Variants in CEP290 observed in about 807,000 individuals in gnomAD.
CEP290 encodes the protein centrosomal protein 290.
CEP290 carries 317 observed loss-of-function variants against 344.9 expected under a neutral mutation model. The ratio of observed to expected loss-of-function variants is 0.92; its 90% CI spans 0.84 to 1.01. The LOEUF (loss-of-function observed/expected upper bound fraction) is 1.01. CEP290 is among the 50% of genes least tolerant of loss of function. The pLI, the probability that CEP290 is intolerant of heterozygous loss-of-function variation, is 0.00. For synonymous variants in CEP290, 932 were observed against 895.8 expected, an observed-to-expected ratio of 1.04 and a Z score of -0.72; for missense variants, 2,754 against 2,761.4, an observed-to-expected ratio of 1.00 and a Z score of 0.06.
chr12:88,050,401 G>T lies in CEP290; in HGVS notation c.7162C>A (p.Leu2388Ile). ...ADQLKEKIKD[L>I]ETQLKMSDLE... is the part of the protein sequence containing the mutation. ...TCTGACATTTTGAGCTGTGTCTCTA[G>T]ATCTTTTATTTTTTCCTTTAGTTGA... Residue 2388 changes from leucine to isoleucine, a missense_variant, in exon 53 of 54, where the codon CTA (leucine) becomes ATA (isoleucine). Physicochemically the swap from Leu to Ile is conservative, Grantham distance 5. Coordinates refer to ENST00000552810, the MANE Select transcript of CEP290 (RefSeq NM_025114.4). The T allele has an allele frequency of 6.4e-7, 1 of 1,562,906 alleles. No individual in the cohort carries two copies. Among genetic ancestry groups the T allele is most frequent in the Non-Finnish European group, 8.7e-7 (1 of 1,144,062 alleles).
chr12:88,076,354 C>T (rs1026491570), intron 41 of CEP290, among the ~76,000 whole-genome samples: 1 of 151,994 alleles, frequency 6.6e-6, no homozygotes, highest in Admixed American at 6.6e-5. Flanking sequence ...TATTCAATGC[C>T]TTTAAAGACA....
At chr12:88,070,695 C>T (rs1157537629) in intron 43 of CEP290, among the ~76,000 whole-genome samples, 2 of 151,438 alleles carry the variant, frequency 1.3e-5, no homozygotes, top group African/African-American at 4.8e-5. Flanking sequence ...GTGTGCAATT[C>T]CTGAAGTACA....
chr12:88,141,268 C>T lies in CEP290; in HGVS notation c.40G>A (p.Asp14Asn), dbSNP rs769179397. 5 of 1,611,280 alleles carry T rather than the reference C, an allele frequency of 3.1e-6. No individual in the cohort carries two copies. Among genetic ancestry groups the T allele is most frequent in the Non-Finnish European group, 4.2e-6 (5 of 1,179,018 alleles). ...NINWKEIMKV[D>N]PDDLPRQEEL... ...TCTTGACGGGGCAGGTCATCTGGGTCAACTTTCATTATTTCTTTCCAGTTT... is the reference window on the plus strand; with the variant it reads ...TCTTGACGGGGCAGGTCATCTGGGTTAACTTTCATTATTTCTTTCCAGTTT... The change falls in exon 2 of 54, where the codon GAC becomes AAC. Residue 14 changes from aspartate to asparagine, a missense_variant. By Grantham distance (23) the Asp-to-Asn change is conservative. Coordinates refer to ENST00000552810, the MANE Select transcript of CEP290 (RefSeq NM_025114.4).
chr12:88,105,490 T>C (rs2038207685), intron 25 of CEP290, among the ~76,000 whole-genome samples: 1 of 152,182 alleles, frequency 6.6e-6, no homozygotes, highest in Non-Finnish European at 1.5e-5. Flanking sequence ...ACAAATAGCC[T>C]GGGCTAATGA....
chr12:88,100,110 T>C (rs934903785), intron 26 of CEP290, among the ~76,000 whole-genome samples: 2 of 151,968 alleles, frequency 1.3e-5, no homozygotes, highest in Non-Finnish European at 2.9e-5. Flanking sequence ...CAAAACCCTG[T>C]CTCTACTAAA....
At chr12:88,115,532 T>C in intron 18 of CEP290, 1 of 1,293,542 alleles carries the variant, frequency 7.7e-7, no homozygotes, top group Non-Finnish European at 1.0e-6. Flanking sequence ...TTCTACACTC[T>C]GCTTCTTTGA....
Position 88,086,144 on chromosome 12 carries a change from G to A in CEP290, c.4332C>T (p.Asp1444=). The A allele has an allele frequency of 1.9e-6, 3 of 1,612,806 alleles. No homozygotes were observed. The highest frequency in any genetic ancestry group is 2.5e-6 in the Non-Finnish European group (3 of 1,179,578). The change falls in exon 34 of 54, where the codon GAC becomes GAT. Residue 1444 remains aspartate (D), a synonymous_variant. Transcript: ENST00000552810. ...GTTGATTTGGAAGGGGCAAACTAGG[G>A]TCAGGGATTGATCCTGTAGCTTCTT... ...KFEEATGSIP[D]PSLPLPNQLE... is the part of the protein sequence containing the mutation.
At chr12:88,090,177 C>T (rs2137292729) in intron 30 of CEP290, among the ~76,000 whole-genome samples, 1 of 152,244 alleles carries the variant, frequency 6.6e-6, no homozygotes, top group South Asian at 2.1e-4. Flanking sequence ...GATTTACTAA[C>T]TACAATTCTC....
intron 13 of CEP290, 25 bp from the exon 14 acceptor site, chr12:88,121,191 G>A: frequency 6.4e-7 from 1 of 1,570,938 alleles, no homozygotes; most frequent in Non-Finnish European, 8.7e-7. Context: ...CAAAAATCAT[G>A]AATTGAATTG....
Position 88,109,192 on chromosome 12 carries a change from G to T in CEP290, c.2368-11C>A. The T allele has an allele frequency of 1.1e-6, 1 of 908,270 alleles. No homozygotes were observed. Among genetic ancestry groups the T allele is most frequent in the Non-Finnish European group, 1.6e-6 (1 of 610,560 alleles). 56.3% of individuals were successfully genotyped at this position (908,270 alleles called of 1,614,324 possible). On this transcript the variant is annotated splice_polypyrimidine_tract_variant and intron_variant, in intron 22 of 53. Transcript: ENST00000552810. ...TTTATTTTCTAGTTCCTGAAAAGTG[G>T]TTTAGAAATAAGAATGCAAAAAAAA...
At chr12:88,140,888 A>T in intron 3 of CEP290, 68 bp downstream of exon 3, 1 of 1,000,658 alleles carries the variant, frequency 1.0e-6, no homozygotes, top group Non-Finnish European at 1.5e-6. Context: ...AGATTACCTT[A>T]TATAAGAACA....
Position 88,130,417 on chromosome 12 carries a change from C to A in CEP290, c.520G>T (p.Glu174Ter). The change falls in exon 9 of 54, where the codon GAA (glutamate) becomes TAA (stop). Residue 174 changes from glutamate to a stop codon, truncating the protein, a stop_gained. Coordinates refer to ENST00000552810, the MANE Select transcript of CEP290 (RefSeq NM_025114.4). LOFTEE classifies it high-confidence loss of function. ...RENKRLKKKN[E>*]QLCQDIIDYQ... Reference sequence around the variant, plus strand: ...TCAATAATATCCTGACAAAGTTGTTCATTCTGAAGGTAACCAAACACAACA... The same window carrying A: ...TCAATAATATCCTGACAAAGTTGTTAATTCTGAAGGTAACCAAACACAACA... The A allele has an allele frequency of 6.2e-7, 1 of 1,603,510 alleles. No individual in the cohort carries two copies.
rs7307793 is a variant in CEP290 at position 88,089,351 on chromosome 12, C to T, written c.3710G>A (p.Arg1237His). 9.0e-3 allele frequency: 14,603 copies of T among 1,613,838 alleles called. 1,198 individuals are homozygous for T. The African/African-American group carries it at 0.17, about 19-fold the overall frequency. ...KLQKMEAYNL[R>H]LEQKLDEKEQ... ...TTTTTCATCAAGTTTCTGCTCTAAG[C>T]GCAAGTTGTAGGCCTCCATCTTCTG... is the stretch of plus-strand genomic sequence containing the variant. The change falls in exon 31 of 54, where the codon CGC (arginine) becomes CAC (histidine). Residue 1237 changes from arginine (R) to histidine (H), a missense_variant. Coordinates refer to ENST00000552810, the MANE Select transcript of CEP290 (RefSeq NM_025114.4).
chr12:88,079,070 A>T (rs2035994100), intron 39 of CEP290, 22 bp downstream of exon 39: 2 of 1,530,858 alleles, frequency 1.3e-6, no homozygotes, highest in Non-Finnish European at 1.7e-6. Flanking sequence ...ATTTTGTTAC[A>T]TTAACACGTG....
intron 6 of CEP290, among the ~76,000 whole-genome samples, chr12:88,134,522 G>A (rs956952741): frequency 6.6e-6 from 1 of 152,178 alleles, no homozygotes; most frequent in Non-Finnish European, 1.5e-5. Context: ...ATTAGGAACT[G>A]GCCCTTGCTT....
At chr12:88,118,035 T>C (rs1232618468) in intron 17 of CEP290, among the ~76,000 whole-genome samples, 3 of 151,420 alleles carry the variant, frequency 2.0e-5, no homozygotes, top group African/African-American at 7.3e-5. Context: ...ACAGACTCCA[T>C]CTCAAATATT....
Position 88,080,352 on chromosome 12 carries a change from C to G in CEP290, c.5056G>C (p.Glu1686Gln), listed in dbSNP as rs377143954. The change falls in exon 38 of 54, where the codon GAA becomes CAA. Residue 1686 changes from glutamate (E) to glutamine (Q), a missense_variant. By Grantham distance (29) the Glu-to-Gln change is conservative (BLOSUM62 2). Transcript: ENST00000552810. Reference protein sequence around the residue: ...HEDEVKKVKAEVEDLKYLLDQ... With the variant: ...HEDEVKKVKAQVEDLKYLLDQ... ...AGAAGATACTTTAAATCCTCTACTTCCGCTTTTACTTTTTTCACTTCATCT... is the reference window on the plus strand; with the variant it reads ...AGAAGATACTTTAAATCCTCTACTTGCGCTTTTACTTTTTTCACTTCATCT... 6.2e-7 allele frequency: 1 copy of G among 1,613,418 alleles called. No individual in the cohort carries two copies. The highest frequency in any genetic ancestry group is 8.5e-7 in the Non-Finnish European group (1 of 1,179,706).
At chr12:88,088,974 C>T in intron 31 of CEP290, 58 bp downstream of exon 31, 1 of 1,283,348 alleles carries the variant, frequency 7.8e-7, no homozygotes, top group South Asian at 1.7e-5. Context: ...GAACTCCAGC[C>T]TGGGAAACAG....
chr12:88,106,723 T>G lies in CEP290; in HGVS notation c.2769A>C (p.Ser923=). The G allele has an allele frequency of 6.2e-7, 1 of 1,611,972 alleles. No homozygotes were observed. The highest frequency in any genetic ancestry group is 8.5e-7 in the Non-Finnish European group (1 of 1,179,048). The change falls in exon 25 of 54, where the codon TCA becomes TCC. Residue 923 remains serine (S), a synonymous_variant. Transcript: ENST00000552810. Reference sequence around the variant, plus strand: ...TTTTTTCACAAACTTCAGCCTCCATTGACAACAATTCATTCTTTTGCTTCT... The same window carrying G: ...TTTTTTCACAAACTTCAGCCTCCATGGACAACAATTCATTCTTTTGCTTCT... ...ENEKQKNELL[S]MEAEVCEKIG... is the part of the protein sequence containing the mutation.
Sources: gnomAD v4.1 joint callset for allele counts (sites outside exome capture counted in the v4.1 genomes callset) on GRCh38, gnomAD v4.1.1 for gene constraint, MANE v1.5 for transcripts, NCBI Gene and HGNC (gene_info 2026-07-23, HGNC 2026-07-21) for gene names.